SLC7A14: variants seen among roughly 807,000 people sequenced by gnomAD.
SLC7A14 encodes gamma-aminobutyric acid transporter SLC7A14.
A neutral mutation model predicts 60.2 loss-of-function variants in SLC7A14; 37 were observed. The ratio of observed to expected loss-of-function variants is 0.61; its 90% CI spans 0.47 to 0.81. SLC7A14 has a LOEUF of 0.81. Ranked by LOEUF, SLC7A14 falls within the 30% of genes least tolerant of loss-of-function variation. SLC7A14 has a pLI of 0.00. For synonymous variants in SLC7A14, 399 were observed against 395.8 expected, an observed-to-expected ratio of 1.01 and a Z score of -0.10; for missense variants, 886 against 982.7, an observed-to-expected ratio of 0.90 and a Z score of 1.32.
chr3:170,527,283 T>C (rs1462310432), intron 1 of SLC7A14, among the ~76,000 whole-genome samples, 195 bp from the exon 2 acceptor site: 1 of 152,186 alleles, frequency 6.6e-6, no homozygotes, highest in African/African-American at 2.4e-5. Flanking sequence ...GCGTGCACTG[T>C]GTTGCACAGT....
rs1739658950 is a variant in SLC7A14, at chr3:170,463,966, G to A, written c.*3089C>T. ...AAAGATTTGTTCTTATCATGCAGAA[G>A]TACTTCTTCTTGTCATTACCACTAA... On this transcript the variant is annotated 3_prime_UTR_variant, in exon 8 of 8. Transcript: ENST00000231706. The A allele has an allele frequency of 6.6e-6, 1 of 152,160 alleles. No homozygotes were observed. The highest frequency in any genetic ancestry group is 1.5e-5 in the Non-Finnish European group (1 of 68,028). The allele number at this position is 152,160 out of a possible 1,614,324, so 9.4% of individuals were successfully genotyped here.
Position 170,526,782 on chromosome 3 carries a change from A to G in SLC7A14, c.155T>C (p.Val52Ala). ...AGAGATGAGGTCCACTGTGGTGAGT[A>G]CCTGGGCTAGCTTAGTTCCATGTGC... ...TTAHGTKLAQ[V>A]LTTVDLISLG... Residue 52 changes from valine to alanine, a missense_variant, in exon 2 of 8, where the codon GTA becomes GCA. Coordinates refer to ENST00000231706, the MANE Select transcript of SLC7A14 (RefSeq NM_020949.3). 6.2e-7 allele frequency: 1 copy of G among 1,614,226 alleles called. No individual in the cohort carries two copies. The highest frequency in any genetic ancestry group is 8.5e-7 in the Non-Finnish European group (1 of 1,180,038).
chr3:170,512,701 T>C (rs1438342148), intron 2 of SLC7A14, among the ~76,000 whole-genome samples: 5 of 129,070 alleles, frequency 3.9e-5, no homozygotes, highest in Admixed American at 2.8e-4. Context: ...TCTCGCTCTG[T>C]CGCCCAGGCT....
At chr3:170,573,130 C>T (rs1047309546) in intron 1 of SLC7A14, among the ~76,000 whole-genome samples, 22 of 152,156 alleles carry the variant, frequency 1.4e-4, no homozygotes, top group Non-Finnish European at 1.5e-4. Flanking sequence ...CAAGGATAAA[C>T]CAGACTCAGG....
chr3:170,527,305 G>A (rs1169203353), intron 1 of SLC7A14, among the ~76,000 whole-genome samples: 2 of 152,204 alleles, frequency 1.3e-5, no homozygotes, highest in African/African-American at 4.8e-5. Context: ...ATCCTGATGA[G>A]GATGGTCTGA....
At chr3:170,468,310 T>C (rs1739781427) in intron 7 of SLC7A14, among the ~76,000 whole-genome samples, 2 of 152,170 alleles carry the variant, frequency 1.3e-5, no homozygotes, top group Admixed American at 6.5e-5. Flanking sequence ...TTTTCTTTTT[T>C]TTTTTGAGAC....
Position 170,483,420 on chromosome 3 carries a change from C to A in SLC7A14, c.1009G>T (p.Val337Leu). The A allele has an allele frequency of 6.2e-7, 1 of 1,614,192 alleles. No individual in the cohort carries two copies. Reference sequence around the variant, plus strand: ...CCTGCAACCGACCCAATGGCCACTACGAATTTGGCAGCATAGAACCCATGA... The same window carrying A: ...CCTGCAACCGACCCAATGGCCACTAAGAATTTGGCAGCATAGAACCCATGA... ...VAHGFYAAKF[V>L]VAIGSVAGLT... Residue 337 changes from valine to leucine, a missense_variant, in exon 6 of 8, where the codon GTA (valine) becomes TTA (leucine). Val to Leu is a conservative substitution (Grantham distance 32). Coordinates refer to ENST00000231706, the MANE Select transcript of SLC7A14 (RefSeq NM_020949.3).
At chr3:170,520,526 A>G (rs922259801) in intron 2 of SLC7A14, among the ~76,000 whole-genome samples, 4 of 152,228 alleles carry the variant, frequency 2.6e-5, no homozygotes, top group African/African-American at 9.6e-5. Context: ...GATACATGGT[A>G]GGAGCCCAAT....
chr3:170,491,666 A>G (rs772133302), intron 4 of SLC7A14, among the ~76,000 whole-genome samples: 4 of 152,044 alleles, frequency 2.6e-5, no homozygotes, highest in African/African-American at 7.2e-5. Flanking sequence ...TATGGGGCAG[A>G]GATTCCTAGA....
In SLC7A14 at chr3:170,467,474, C is replaced by A. The variant is rs1415537147; in HGVS notation, c.1994-97G>T. 4 of 42,796 alleles carry A rather than the reference C, an allele frequency of 9.3e-5. No individual in the cohort carries two copies. In the South Asian group the frequency reaches 2.3e-3, roughly 24 times the overall value. The allele number at this position is 42,796 out of a possible 1,614,324, so 2.7% of individuals were successfully genotyped here. A position where few individuals can be genotyped will look rare whatever the true frequency, so the allele number is the denominator to read the frequency against. ...CCTTCAGTGATGAAATCAAAGCTGG[C>A]GGGGTGGGGGGCGGTGGGGGCGGGG... On this transcript the variant is annotated intron_variant, in intron 7 of 7. Transcript: ENST00000231706.
chr3:170,501,003 T>G (rs1296716762), intron 3 of SLC7A14, 106 bp downstream of exon 3: 2 of 967,570 alleles, frequency 2.1e-6, no homozygotes, highest in Non-Finnish European at 3.3e-6. Context: ...GAGAGATATA[T>G]TTAAGGCTTT....
rs373042913 is a variant in SLC7A14, at chr3:170,471,318, G to A, written c.1994-3941C>T. Among the ~76,000 whole-genome samples, 30 of 152,192 alleles carry A rather than the reference G, an allele frequency of 2.0e-4. No individual in the cohort carries two copies. The South Asian group carries it at 3.9e-3, about 20-fold the overall frequency. ...GGGATGGAAAACAATTTGGCTTAAC[G>A]TTTTATTTGGAAGAACATATACAAA... is the stretch of plus-strand genomic sequence containing the variant. On this transcript the variant is annotated intron_variant, in intron 7 of 7. Coordinates refer to ENST00000231706, the MANE Select transcript of SLC7A14 (RefSeq NM_020949.3).
Position 170,480,325 on chromosome 3 carries a change from T to C in SLC7A14, c.1957A>G (p.Ile653Val). The C allele has an allele frequency of 6.4e-7, 1 of 1,554,650 alleles. No homozygotes were observed. Among genetic ancestry groups the C allele is most frequent in the South Asian group, 1.2e-5 (1 of 80,784 alleles). Residue 653 changes from isoleucine to valine, a missense_variant, in exon 7 of 8, where the codon ATC becomes GTC. Physicochemically the swap from Ile to Val is conservative, Grantham distance 29. Transcript: ENST00000231706. ...CAGACCGCAAACCGGATCCATGTGA[T>C]GGTGGAGAGCTTTAGCATGAGATAG... ...NIYLMLKLST[I>V]TWIRFAVWCF...
chr3:170,557,255 A>G (rs1714511495), intron 1 of SLC7A14, among the ~76,000 whole-genome samples: 1 of 151,628 alleles, frequency 6.6e-6, no homozygotes, highest in Non-Finnish European at 1.5e-5. Context: ...ATCCATTCGT[A>G]AGGCCATCCT....
At chr3:170,508,635 TCTGTAAG>T (rs1450987948) in intron 2 of SLC7A14, among the ~76,000 whole-genome samples, 1 of 152,248 alleles carries the variant, frequency 6.6e-6, no homozygotes, top group Admixed American at 6.5e-5. Context: ...CCCAAACATG[TCTGTAAG>T]AAAGTCCTCA....
At chr3:170,537,006 C>T (rs1713868792) in intron 1 of SLC7A14, among the ~76,000 whole-genome samples, 1 of 152,200 alleles carries the variant, frequency 6.6e-6, no homozygotes. Flanking sequence ...ACTAACTGGA[C>T]TCCTAAGATA....
chr3:170,488,052 T>C (rs1218015464), intron 4 of SLC7A14, among the ~76,000 whole-genome samples: 1 of 152,174 alleles, frequency 6.6e-6, no homozygotes, highest in Non-Finnish European at 1.5e-5. Flanking sequence ...ACATTGTTAC[T>C]AGATTACAAT....
chr3:170,530,651 C>A (rs544866518), intron 1 of SLC7A14, among the ~76,000 whole-genome samples: 1 of 152,296 alleles, frequency 6.6e-6, no homozygotes, highest in East Asian at 1.9e-4. Context: ...ATTGTAGCTG[C>A]GGCAGAATCT....
chr3:170,515,319 C>CG (rs1392818139), intron 2 of SLC7A14, among the ~76,000 whole-genome samples: 1 of 96,040 alleles, frequency 1.0e-5, no homozygotes, highest in Non-Finnish European at 2.1e-5. Context: ...TCCGCCCCCC[C>CG]CAAAAAAAAA....
Sources: allele counts gnomAD v4.1 joint callset (sites outside exome capture counted in the v4.1 genomes callset), GRCh38; gene constraint gnomAD v4.1.1; transcripts MANE v1.5; gene names NCBI Gene and HGNC (gene_info 2026-07-23, HGNC 2026-07-21).